OCA2: variants seen among roughly 807,000 people sequenced by gnomAD.
OCA2 encodes P protein.
OCA2 carries 77 observed loss-of-function variants against 100.2 expected under a neutral mutation model. That is an observed-to-expected ratio of 0.77 (90% CI 0.64 to 0.93). The LOEUF is 0.93. Ranked by LOEUF, OCA2 falls within the 40% of genes least tolerant of loss-of-function variation. The probability of loss-of-function intolerance (pLI) is 0.00; values close to 1 mark genes in which losing one functional copy is unlikely to be tolerated. For missense variants in OCA2, 1,062 were observed against 1,089.1 expected, an observed-to-expected ratio of 0.98 and a Z score of 0.35; for synonymous variants, 432 against 439.2, an observed-to-expected ratio of 0.98 and a Z score of 0.21.
At chr15:27,770,489 C>G (rs570447397) in intron 23 of OCA2, among the ~76,000 whole-genome samples, 1 of 149,766 alleles carries the variant, frequency 6.7e-6, no homozygotes, top group Non-Finnish European at 1.5e-5. Flanking sequence ...AAGCGACCAC[C>G]TCCCGGCTCC....
At chr15:27,772,273 T>G (rs981092241) in intron 23 of OCA2, among the ~76,000 whole-genome samples, 1 of 152,260 alleles carries the variant, frequency 6.6e-6, no homozygotes, top group Admixed American at 6.5e-5. Flanking sequence ...TCAATGTTAC[T>G]GAAATGGTAT....
rs372539702 is a variant in OCA2, at chr15:27,780,904, C to T, written c.2433-25432G>A. ...ATCCATGGTTCATATTTGTATCTCT[C>T]CACGAAATTATGAGGAAAAAAAAGC... On this transcript the variant is annotated intron_variant, in intron 23 of 23. Coordinates refer to ENST00000354638, the MANE Select transcript of OCA2 (RefSeq NM_000275.3). Among the ~76,000 whole-genome samples, 218 of 152,264 alleles carry T rather than the reference C, an allele frequency of 1.4e-3. 1 individual carries two copies. The highest frequency in any genetic ancestry group is 5.1e-3 in the African/African-American group (214 of 41,562).
Position 27,755,339 on chromosome 15 carries a change from T to A in OCA2, c.*49A>T. 2 of 1,388,158 alleles carry A rather than the reference T, an allele frequency of 1.4e-6. No individual in the cohort carries two copies. Among genetic ancestry groups the A allele is most frequent in the Admixed American group, 1.7e-5 (1 of 59,558 alleles). 86.0% of individuals were successfully genotyped at this position (1,388,158 alleles called of 1,614,324 possible). On this transcript the variant is annotated 3_prime_UTR_variant, in exon 24 of 24. Transcript: ENST00000354638. The stretch of plus-strand genomic sequence containing the variant: ...CAGGGTAGTTTTATGACTAATGGGT[T>A]GTGATGGATGAAGTTTCCTTTAGTC...
the OCA2 span, among the ~76,000 whole-genome samples, chr15:27,724,487 C>T: frequency 6.6e-6 from 1 of 152,102 alleles, no homozygotes; most frequent in Non-Finnish European, 1.5e-5. Context: ...CTTTTAAGAC[C>T]CTATCTCCAA....
chr15:27,906,894 G>A (rs80097649), intron 19 of OCA2, among the ~76,000 whole-genome samples: 4,209 of 152,232 alleles, frequency 0.028, 116 homozygotes, highest in Non-Finnish European at 0.04. Flanking sequence ...TGTTGGGGAA[G>A]GTAAAGGGGA....
rs140344360 is a variant in OCA2, at chr15:27,952,172, G to A, written c.1843-280C>T. 2.9e-3 allele frequency among the ~76,000 whole-genome samples: 445 copies of A among 152,282 alleles called. 2 individuals are homozygous for A. Among genetic ancestry groups the A allele is most frequent in the Non-Finnish European group, 4.5e-3 (303 of 68,022 alleles). Reference sequence around the variant, plus strand: ...GGCAGGTATCAGAGGATGACGGGGCGTTTCTACAGGGGCCTATGCTGTCTT... The same window carrying A: ...GGCAGGTATCAGAGGATGACGGGGCATTTCTACAGGGGCCTATGCTGTCTT... On this transcript the variant is annotated intron_variant, in intron 17 of 23. Transcript: ENST00000354638.
At chr15:28,042,287 C>T (rs1415858678) in intron 2 of OCA2, among the ~76,000 whole-genome samples, 3 of 152,076 alleles carry the variant, frequency 2.0e-5, no homozygotes, top group East Asian at 1.9e-4. Context: ...ATCATTTCTA[C>T]TTATCATTTC....
intron 9 of OCA2, among the ~76,000 whole-genome samples, chr15:27,991,516 A>G (rs2041554603): frequency 6.6e-6 from 1 of 152,218 alleles, no homozygotes; most frequent in Non-Finnish European, 1.5e-5. Flanking sequence ...CTTTCCAGAA[A>G]AAGTAAATTT....
chr15:27,821,466 G>C (rs2034498438), intron 23 of OCA2, among the ~76,000 whole-genome samples: 1 of 152,074 alleles, frequency 6.6e-6, no homozygotes, highest in Non-Finnish European at 1.5e-5. Flanking sequence ...ACACATGCAG[G>C]CACAACTATG....
chr15:28,012,461 C>A (rs1454204814), intron 9 of OCA2, among the ~76,000 whole-genome samples: 1 of 152,198 alleles, frequency 6.6e-6, no homozygotes, highest in Non-Finnish European at 1.5e-5. Flanking sequence ...CAAGGCCCTT[C>A]CTGAGACCCT....
At chr15:27,934,879 C>T (rs961880449) in intron 18 of OCA2, among the ~76,000 whole-genome samples, 1 of 152,200 alleles carries the variant, frequency 6.6e-6, no homozygotes, top group Non-Finnish European at 1.5e-5. Context: ...TCAATTCCCT[C>T]TTACTTTTAA....
At chr15:27,756,447 T>G (rs2150974671) in intron 23 of OCA2, among the ~76,000 whole-genome samples, 1 of 152,366 alleles carries the variant, frequency 6.6e-6, no homozygotes, top group Middle Eastern at 3.4e-3. Context: ...AGTGGTAGGA[T>G]TCTCTTGGCT....
chr15:27,776,147 C>T (rs1295908756), intron 23 of OCA2, among the ~76,000 whole-genome samples: 4 of 152,314 alleles, frequency 2.6e-5, no homozygotes, highest in Admixed American at 6.5e-5. Context: ...TCGGTATGTC[C>T]GATCTTTCTC....
chr15:27,950,781 C>T (rs944131078), intron 18 of OCA2, among the ~76,000 whole-genome samples: 2 of 152,174 alleles, frequency 1.3e-5, no homozygotes, highest in Admixed American at 6.5e-5. Flanking sequence ...TGGTGCGAAT[C>T]GCTGAAGCTT....
intron 18 of OCA2, among the ~76,000 whole-genome samples, chr15:27,933,606 G>C (rs1047097100): frequency 2.0e-5 from 3 of 152,168 alleles, no homozygotes; most frequent in African/African-American, 7.2e-5. Context: ...TATAGGACTG[G>C]GGTAAGCAGT....
At chr15:27,722,780 T>TTCTCTC in the OCA2 span, among the ~76,000 whole-genome samples, 5,467 of 134,044 alleles carry the variant, frequency 0.041, 155 homozygotes, top group Non-Finnish European at 0.05. Flanking sequence ...TTTTCTTTCT[T>TTCTCTC]TCTCTCTCTC....
intron 1 of OCA2, among the ~76,000 whole-genome samples, chr15:28,097,438 G>A (rs1420090135): frequency 1.3e-5 from 2 of 152,236 alleles, no homozygotes; most frequent in African/African-American, 4.8e-5. Flanking sequence ...CCAGCATATG[G>A]AGAATGCCAC....
intron 19 of OCA2, among the ~76,000 whole-genome samples, chr15:27,901,780 C>T (rs779336416): frequency 4.6e-5 from 7 of 152,188 alleles, no homozygotes; most frequent in Non-Finnish European, 8.8e-5. Flanking sequence ...AATACATGCA[C>T]ATGTAAGTCC....
At chr15:27,845,240 T>G (rs1040781789) in intron 22 of OCA2, among the ~76,000 whole-genome samples, 188 bp from the exon 23 acceptor site, 1 of 152,186 alleles carries the variant, frequency 6.6e-6, no homozygotes, top group Non-Finnish European at 1.5e-5. Flanking sequence ...GCTCACTGAT[T>G]ACAAATACCA....
Sources: allele counts gnomAD v4.1 joint callset (sites outside exome capture counted in the v4.1 genomes callset), GRCh38; gene constraint gnomAD v4.1.1; transcripts MANE v1.5; gene names NCBI Gene and HGNC (gene_info 2026-07-23, HGNC 2026-07-21).